Variants in XYLT1 observed in about 807,000 individuals in gnomAD.
The protein encoded by XYLT1 is xylosyltransferase 1, also known as beta-D-xylosyltransferase 1.
XYLT1 carries 36 observed loss-of-function variants against 91.3 expected under a neutral mutation model. The observed-to-expected ratio is 0.39, with a 90% CI of 0.30 to 0.52. XYLT1 has a LOEUF of 0.52. Among genes scored for constraint, XYLT1 ranks in the 20% least tolerant of loss-of-function variants. The pLI is 0.68. For missense variants in XYLT1, 1,242 were observed against 1,284.5 expected (o/e 0.97, Z 0.51); for synonymous variants, 588 against 532.0 (o/e 1.11, Z -1.45).
intron 2 of XYLT1, among the ~76,000 whole-genome samples, chr16:17,260,507 C>T (rs1402511472): frequency 1.3e-5 from 2 of 152,086 alleles, no homozygotes; most frequent in Non-Finnish European, 2.9e-5. Context: ...TGGGCGGCAT[C>T]CCTGCTAGTC....
intron 9 of XYLT1, among the ~76,000 whole-genome samples, chr16:17,133,602 T>C (rs2141505182): frequency 6.6e-6 from 1 of 152,216 alleles, no homozygotes; most frequent in Non-Finnish European, 1.5e-5. Context: ...AATAGTATAA[T>C]GCCAAGGGAA....
intron 3 of XYLT1, among the ~76,000 whole-genome samples, chr16:17,252,181 C>G (rs898408438): frequency 3.9e-5 from 6 of 152,138 alleles, no homozygotes; most frequent in Admixed American, 3.9e-4. Flanking sequence ...CACTTAACTT[C>G]CCCAGTGCAC....
intron 3 of XYLT1, among the ~76,000 whole-genome samples, chr16:17,222,385 C>A (rs1029984129): frequency 6.6e-6 from 1 of 152,110 alleles, no homozygotes; most frequent in Non-Finnish European, 1.5e-5. Flanking sequence ...CCACCATGTA[C>A]GGGACGGCCC....
intron 2 of XYLT1, among the ~76,000 whole-genome samples, chr16:17,284,732 C>G (rs530074535): frequency 1.3e-5 from 2 of 152,048 alleles, no homozygotes; most frequent in African/African-American, 4.8e-5. Flanking sequence ...CAGTGAGCTA[C>G]GACTACACCA....
intron 1 of XYLT1, among the ~76,000 whole-genome samples, chr16:17,439,689 T>G (rs1249164840): frequency 6.6e-6 from 1 of 152,156 alleles, no homozygotes; most frequent in East Asian, 1.9e-4. Flanking sequence ...TTTCCATTGT[T>G]AAAAAGGGAA....
At chr16:17,243,088 T>A (rs1290794758) in intron 3 of XYLT1, among the ~76,000 whole-genome samples, 2 of 152,232 alleles carry the variant, frequency 1.3e-5, no homozygotes, top group Non-Finnish European at 2.9e-5. Context: ...GGTGTACAAA[T>A]GTCTCTTTAA....
intron 2 of XYLT1, among the ~76,000 whole-genome samples, chr16:17,350,946 G>T (rs72781536): frequency 0.087 from 13,251 of 152,192 alleles, 699 homozygotes; most frequent in Middle Eastern, 0.14. Flanking sequence ...ATATTTGAAA[G>T]ATCTTCTCCA....
At chr16:17,449,409 T>C (rs1410671897) in intron 1 of XYLT1, among the ~76,000 whole-genome samples, 4 of 152,194 alleles carry the variant, frequency 2.6e-5, no homozygotes, top group East Asian at 1.9e-4. Context: ...ACTTCCCCTA[T>C]GGGCTGCGGG....
chr16:17,411,700 A>G lies in XYLT1; in HGVS notation c.364-53650T>C, dbSNP rs533465973. Among the ~76,000 whole-genome samples, 3 of 152,298 alleles carry G rather than the reference A, an allele frequency of 2.0e-5. No individual in the cohort carries two copies. In the South Asian group the frequency reaches 6.2e-4, roughly 32 times the overall value. On this transcript the variant is annotated intron_variant, in intron 1 of 11. Transcript: ENST00000261381. The stretch of plus-strand genomic sequence containing the variant: ...TCTGATCTCTTAATAGTTGTAGTTC[A>G]ACAAGAGCAGTTGTGGTACATTCGG...
chr16:17,372,179 A>G (rs1376208446), intron 1 of XYLT1, among the ~76,000 whole-genome samples: 3 of 152,230 alleles, frequency 2.0e-5, no homozygotes, highest in South Asian at 4.1e-4. Context: ...TTTAGTTATA[A>G]TTATTCACGC....
intron 10 of XYLT1, among the ~76,000 whole-genome samples, chr16:17,119,828 C>T (rs1021001510): frequency 1.3e-5 from 2 of 152,254 alleles, no homozygotes; most frequent in African/African-American, 4.8e-5. Context: ...CACTGTGCTA[C>T]ATATTGCCTT....
intron 10 of XYLT1, among the ~76,000 whole-genome samples, chr16:17,122,067 C>G (rs141328796): frequency 6.6e-6 from 1 of 152,036 alleles, no homozygotes; most frequent in Non-Finnish European, 1.5e-5. Context: ...TATAAACATG[C>G]GTGTGCAAGA....
intron 3 of XYLT1, among the ~76,000 whole-genome samples, chr16:17,252,769 C>G (rs1044884355): frequency 6.6e-6 from 1 of 152,060 alleles, no homozygotes; most frequent in African/African-American, 2.4e-5. Flanking sequence ...GGGCGCTGTA[C>G]CAAAGTCAAC....
intron 2 of XYLT1, among the ~76,000 whole-genome samples, chr16:17,300,322 G>C (rs916692290): frequency 6.6e-6 from 1 of 151,888 alleles, no homozygotes; most frequent in Non-Finnish European, 1.5e-5. Context: ...AGGGAGGATT[G>C]CTATGGCGAG....
In XYLT1 at chr16:17,470,704, G is replaced by T; in HGVS notation, c.93C>A (p.Val31=). ...ALTVLLLQTL[V]VWNFSSLDSG... ...AGTCGAGGCTGCTGAAATTCCACAC[G>T]ACCAGCGTCTGCAGCAGCAGCACCG... Residue 31 remains valine, a synonymous_variant, in exon 1 of 12, where the codon GTC becomes GTA. Transcript: ENST00000261381. 8.6e-7 allele frequency: 1 copy of T among 1,166,684 alleles called. No homozygotes were observed. Among genetic ancestry groups the T allele is most frequent in the South Asian group, 1.7e-5 (1 of 58,930 alleles). The allele number at this position is 1,166,684 out of a possible 1,614,324, so 72.3% of individuals were successfully genotyped here.
At chr16:17,266,313 G>A (rs1263219375) in intron 2 of XYLT1, among the ~76,000 whole-genome samples, 1 of 152,128 alleles carries the variant, frequency 6.6e-6, no homozygotes, top group African/African-American at 2.4e-5. Flanking sequence ...GGACTGAATC[G>A]ATCAAGCATA....
chr16:17,192,988 T>A (rs1034427474), intron 5 of XYLT1: 3 of 151,938 alleles, frequency 2.0e-5, no homozygotes, highest in African/African-American at 7.3e-5. Flanking sequence ...AATTTTTGTA[T>A]TTTTAGTTGA....
intron 3 of XYLT1, among the ~76,000 whole-genome samples, chr16:17,224,186 T>C (rs1486180063): frequency 6.6e-6 from 1 of 152,210 alleles, no homozygotes; most frequent in Admixed American, 6.5e-5. Flanking sequence ...CTAGGAGCTG[T>C]TGTACAGATG....
Position 17,134,466 on chromosome 16 carries a change from G to A in XYLT1, c.2027+7C>T. On this transcript the variant is annotated splice_region_variant and intron_variant, in intron 9 of 11. Transcript: ENST00000261381. ...GCTCTCCTCTCTGCATCCCATATAG[G>A]GCTCACCGGCAGCTGTTCTCCCCAT... The A allele has an allele frequency of 6.2e-7, 1 of 1,613,812 alleles. No homozygotes were observed. The highest frequency in any genetic ancestry group is 1.1e-5 in the South Asian group (1 of 91,064).
Sources: allele counts gnomAD v4.1 joint callset (sites outside exome capture counted in the v4.1 genomes callset), GRCh38; gene constraint gnomAD v4.1.1; transcripts MANE v1.5; gene names NCBI Gene and HGNC (gene_info 2026-07-23, HGNC 2026-07-21).